Variants in ADAM12 observed in about 807,000 individuals in gnomAD.
The protein encoded by ADAM12 is ADAM metallopeptidase domain 12, also known as disintegrin and metalloproteinase domain-containing protein 12.
In ADAM12, 70 loss-of-function variants were observed where a neutral mutation model predicts 106.4. The observed-to-expected ratio is 0.66, with a 90% CI of 0.54 to 0.80. ADAM12 has a LOEUF of 0.80. Ranked by LOEUF, ADAM12 falls within the 30% of genes least tolerant of loss-of-function variation. ADAM12 has a pLI of 0.00. For synonymous variants in ADAM12, 420 were observed against 433.5 expected (o/e 0.97, Z 0.39); for missense variants, 1,010 against 1,171.9 (o/e 0.86, Z 2.02).
intron 3 of ADAM12, among the ~76,000 whole-genome samples, chr10:126,228,147 T>G (rs1309538823): frequency 1.3e-5 from 2 of 152,118 alleles, no homozygotes; most frequent in East Asian, 3.9e-4. Flanking sequence ...AATGCTTGGG[T>G]TCTGGAATGA....
chr10:126,330,970 T>C (rs534022500), intron 1 of ADAM12, among the ~76,000 whole-genome samples: 5 of 152,348 alleles, frequency 3.3e-5, no homozygotes, highest in East Asian at 1.9e-4. Context: ...TCTGCACTTA[T>C]GGAGTCTAAT....
At chr10:126,101,959 C>G in intron 8 of ADAM12, among the ~76,000 whole-genome samples, 1 of 152,172 alleles carries the variant, frequency 6.6e-6, no homozygotes, top group East Asian at 1.9e-4. Context: ...CGGCACACCA[C>G]TGAAAGCAAG....
rs986414224 is a variant in ADAM12 at position 126,071,606 on chromosome 10, C to T, written c.1194G>A (p.Glu398=). 1.2e-6 allele frequency: 2 copies of T among 1,614,024 alleles called. No individual in the cohort carries two copies. Among genetic ancestry groups the T allele is most frequent in the Non-Finnish European group, 1.7e-6 (2 of 1,180,032 alleles). ...CCCCCATTCCTTTCTCCAGGCTGGTCTCCAAGTCCTTCCTGCTGCAACTGC... is the reference window on the plus strand; with the variant it reads ...CCCCCATTCCTTTCTCCAGGCTGGTTTCCAAGTCCTTCCTGCTGCAACTGC... ...VFSSCSRKDL[E]TSLEKGMGVC... Residue 398 remains glutamate (E), a synonymous_variant, in exon 12 of 23, where the codon GAG becomes GAA. Transcript: ENST00000448723.
chr10:126,063,573 T>C (rs1364775624), intron 14 of ADAM12, among the ~76,000 whole-genome samples: 3 of 152,220 alleles, frequency 2.0e-5, no homozygotes, highest in African/African-American at 7.2e-5. Flanking sequence ...GCTTTCAGCC[T>C]GGGCCTGGCC....
At position 126,135,564 on chromosome 10, in the gene ADAM12, C is replaced by T. The variant is rs56178338; in HGVS notation, c.416+20G>A. ...AGTAGATGGCTGAAGACTAGAGCCG[C>T]CATGGTCATGGCCACTTACCTGAGA... On this transcript the variant is annotated intron_variant, in intron 5 of 22. Transcript: ENST00000448723. 2.5e-3 allele frequency: 4,020 copies of T among 1,612,110 alleles called. 89 individuals carry two copies. The East Asian group carries it at 0.041, about 17-fold the overall frequency.
intron 6 of ADAM12, among the ~76,000 whole-genome samples, chr10:126,113,519 G>C (rs12358077): frequency 6.8e-6 from 1 of 147,318 alleles, no homozygotes; most frequent in Non-Finnish European, 1.5e-5. Flanking sequence ...AATTAGCCAG[G>C]TGTAGTGGTA....
chr10:126,135,804 C>T, intron 4 of ADAM12, 144 bp from the exon 5 acceptor site: 1 of 712,116 alleles, frequency 1.4e-6, no homozygotes, highest in Non-Finnish European at 2.4e-6. Context: ...AATGCAAAGC[C>T]CAACATGACC....
At position 126,088,663 on chromosome 10, in the gene ADAM12, CTG is replaced by C. The variant is rs1030065497; in HGVS notation, c.1145+5320_1145+5321del. On this transcript the variant is annotated intron_variant, in intron 11 of 22. Coordinates refer to ENST00000448723, the MANE Select transcript of ADAM12 (RefSeq NM_001288973.2). ...AGACAGAGGTTGCAGTAAGCCGAGACTGTGTCACTGCACACTCCAGCCTGGGT... is the reference window on the plus strand; with the variant it reads ...AGACAGAGGTTGCAGTAAGCCGAGACTGTCACTGCACACTCCAGCCTGGGT... Among the ~76,000 whole-genome samples, 94 of 151,230 alleles carry C rather than the reference CTG, an allele frequency of 6.2e-4. 6 individuals are homozygous for C. Among genetic ancestry groups the C allele is most frequent in the Non-Finnish European group, 5.9e-5 (4 of 67,914 alleles).
chr10:126,172,654 GGT>G (rs1957140067), intron 3 of ADAM12, among the ~76,000 whole-genome samples: 1 of 152,182 alleles, frequency 6.6e-6, no homozygotes, highest in African/African-American at 2.4e-5. Context: ...TTACACTGTT[GGT>G]GGGAGTGTAA....
At chr10:126,105,317 A>G (rs112670355) in intron 8 of ADAM12, among the ~76,000 whole-genome samples, 4 of 152,294 alleles carry the variant, frequency 2.6e-5, no homozygotes, top group Middle Eastern at 3.4e-3. Flanking sequence ...CCCTTTTTTA[A>G]AATGGGGCTT....
chr10:126,372,653 T>C (rs1474740419), intron 1 of ADAM12, among the ~76,000 whole-genome samples: 1 of 152,202 alleles, frequency 6.6e-6, no homozygotes, highest in Non-Finnish European at 1.5e-5. Flanking sequence ...CTGAAGTCCA[T>C]AAGAGAAGCA....
At chr10:126,134,273 C>T (rs566954904) in intron 5 of ADAM12, among the ~76,000 whole-genome samples, 1 of 152,300 alleles carries the variant, frequency 6.6e-6, no homozygotes, top group African/African-American at 2.4e-5. Context: ...TGTGTGTTCA[C>T]TCAATGATTT....
chr10:126,194,799 G>A (rs1424038885), intron 3 of ADAM12, among the ~76,000 whole-genome samples: 1 of 152,136 alleles, frequency 6.6e-6, no homozygotes, highest in African/African-American at 2.4e-5. Context: ...GCCTGTAATC[G>A]TACCCTTGTA....
intron 3 of ADAM12, among the ~76,000 whole-genome samples, chr10:126,176,265 T>C (rs1957218267): frequency 6.6e-6 from 1 of 152,272 alleles, no homozygotes. Context: ...TCTCTGGTCC[T>C]GCGGCCTTTG....
chr10:126,254,508 C>G (rs187158600), intron 3 of ADAM12, among the ~76,000 whole-genome samples: 16 of 152,318 alleles, frequency 1.1e-4, no homozygotes, highest in East Asian at 1.9e-4. Context: ...TCTTCCCCTG[C>G]GGATGCTCTC....
intron 5 of ADAM12, among the ~76,000 whole-genome samples, chr10:126,132,147 G>A (rs943136076): frequency 1.3e-5 from 2 of 152,060 alleles, no homozygotes; most frequent in Admixed American, 1.3e-4. Context: ...GCTAATTTTC[G>A]TATTTTTAGT....
At chr10:126,295,556 C>CACACACATACACACAT (rs1249989631) in intron 2 of ADAM12, among the ~76,000 whole-genome samples, 1 of 151,918 alleles carries the variant, frequency 6.6e-6, no homozygotes, top group African/African-American at 2.4e-5. Flanking sequence ...CATACACACA[C>CACACACATACACACAT]ACACACACAC....
chr10:126,192,196 C>G (rs1388424821), intron 3 of ADAM12, among the ~76,000 whole-genome samples: 1 of 152,180 alleles, frequency 6.6e-6, no homozygotes, highest in Non-Finnish European at 1.5e-5. Flanking sequence ...CTTAACTTCT[C>G]TGTGACTGCT....
intron 3 of ADAM12, among the ~76,000 whole-genome samples, chr10:126,239,629 AATC>A: frequency 6.6e-6 from 1 of 152,318 alleles, no homozygotes; most frequent in Admixed American, 6.5e-5. Flanking sequence ...GAGAAAAAAA[AATC>A]ATCTTAAGAT....
Sources: gnomAD v4.1 joint callset for allele counts (sites outside exome capture counted in the v4.1 genomes callset) on GRCh38, gnomAD v4.1.1 for gene constraint, MANE v1.5 for transcripts, NCBI Gene and HGNC (gene_info 2026-07-23, HGNC 2026-07-21) for gene names.